Variants in SRRM3 observed in about 807,000 individuals in gnomAD.
SRRM3 encodes serine/arginine repetitive matrix protein 3.
In SRRM3, 27 loss-of-function variants were observed where a neutral mutation model predicts 66.2. That is an observed-to-expected ratio of 0.41 (90% CI 0.30 to 0.56). SRRM3 has a LOEUF of 0.56. Among genes scored for constraint, SRRM3 ranks in the 20% least tolerant of loss-of-function variants. The probability of loss-of-function intolerance (pLI) is 0.32; values close to 1 mark genes in which losing one functional copy is unlikely to be tolerated. For synonymous variants in SRRM3, 391 were observed against 414.9 expected (o/e 0.94, Z 0.70); for missense variants, 918 against 991.9 (o/e 0.93, Z 1.00).
At chr7:76,269,280 A>G (rs1802148963) in intron 11 of SRRM3, 1 of 152,144 alleles carries the variant, frequency 6.6e-6, no homozygotes, top group Non-Finnish European at 1.5e-5. Context: ...TCCTTTCACC[A>G]AGCATGGTCC....
At chr7:76,219,719 G>A (rs1412463833) in intron 1 of SRRM3, among the ~76,000 whole-genome samples, 4 of 152,098 alleles carry the variant, frequency 2.6e-5, no homozygotes, top group Non-Finnish European at 2.9e-5. Context: ...GACCAGCCTG[G>A]CCAACATAGT....
intron 11 of SRRM3, among the ~76,000 whole-genome samples, chr7:76,277,750 G>GAAAAAAGAAAAAAAT (rs1802391294): frequency 7.0e-6 from 1 of 141,882 alleles, no homozygotes; most frequent in Non-Finnish European, 1.5e-5. Flanking sequence ...GAGAGAGAAA[G>GAAAAAAGAAAAAAAT]AAAGAAAAGA....
chr7:76,265,536 G>C (rs782415287), intron 10 of SRRM3, 68 bp downstream of exon 10: 125 of 1,272,546 alleles, frequency 9.8e-5, no homozygotes, highest in Non-Finnish European at 1.3e-4. Context: ...ACACCCCCAA[G>C]GGCTGGGGAG....
intron 11 of SRRM3, among the ~76,000 whole-genome samples, chr7:76,271,001 C>T (rs964236899): frequency 6.6e-6 from 1 of 151,750 alleles, no homozygotes; most frequent in Non-Finnish European, 1.5e-5. Flanking sequence ...ATCTTGATCT[C>T]GAGACTGAGG....
intron 11 of SRRM3, chr7:76,268,391 G>T (rs1244149306): frequency 6.6e-6 from 1 of 151,372 alleles, no homozygotes; most frequent in Non-Finnish European, 1.5e-5. Context: ...CACTGGGGTG[G>T]GTGGGGGGGT....
chr7:76,225,610 G>T (rs1800844453), intron 1 of SRRM3, among the ~76,000 whole-genome samples: 1 of 152,164 alleles, frequency 6.6e-6, no homozygotes. Context: ...GCAGGGAGGA[G>T]TTTGCTCACT....
chr7:76,275,679 C>T (rs999801069), intron 11 of SRRM3, among the ~76,000 whole-genome samples: 1 of 152,038 alleles, frequency 6.6e-6, no homozygotes, highest in Non-Finnish European at 1.5e-5. Context: ...TAAAACATCT[C>T]AGGTGTTTAC....
At chr7:76,252,164 A>G (rs1014754851) in intron 3 of SRRM3, among the ~76,000 whole-genome samples, 2 of 152,198 alleles carry the variant, frequency 1.3e-5, no homozygotes, top group African/African-American at 4.8e-5. Context: ...GAGAGCACAC[A>G]CCCACAACAG....
intron 11 of SRRM3, chr7:76,267,649 G>A (rs1342691178): frequency 2.4e-6 from 1 of 423,368 alleles, no homozygotes; most frequent in African/African-American, 2.1e-5. Flanking sequence ...TGGTGTCAGG[G>A]TGAGGGGCGC....
chr7:76,266,523 T>TTA (rs1583928042), intron 10 of SRRM3, among the ~76,000 whole-genome samples: 2 of 112,658 alleles, frequency 1.8e-5, no homozygotes, highest in East Asian at 4.4e-4. Flanking sequence ...ATTTATATAT[T>TTA]ATATATTTAA....
At chr7:76,216,794 C>A (rs893173510) in intron 1 of SRRM3, among the ~76,000 whole-genome samples, 2 of 152,122 alleles carry the variant, frequency 1.3e-5, no homozygotes, top group African/African-American at 2.4e-5. Context: ...TGCAGCCCCT[C>A]GGGGGAGGAA....
chr7:76,212,941 C>G (rs535143496), intron 1 of SRRM3, among the ~76,000 whole-genome samples: 1 of 151,922 alleles, frequency 6.6e-6, no homozygotes, highest in African/African-American at 2.4e-5. Flanking sequence ...ATGTCCTGTT[C>G]CAATCTGGGT....
intron 8 of SRRM3, 114 bp downstream of exon 8, chr7:76,261,695 C>T: frequency 8.2e-7 from 1 of 1,214,346 alleles, no homozygotes; most frequent in Non-Finnish European, 1.2e-6. Flanking sequence ...CCTTCAGCTC[C>T]AGGGTTCCTT....
chr7:76,265,858 A>ATATATAT (rs1554609525), intron 10 of SRRM3, among the ~76,000 whole-genome samples: 2 of 8,370 alleles, frequency 2.4e-4, no homozygotes, highest in Non-Finnish European at 2.9e-4. Context: ...ATATATATAT[A>ATATATAT]TTTTTTTTTT....
At position 76,255,148 on chromosome 7, in the gene SRRM3, C is replaced by CTTTTTTTTTTTTTTTTTTTTTTTTTTTTT. The variant is rs57880700; in HGVS notation, c.336-4739_336-4738insTTTTTTTTTTTTTTTTTTTTTTTTTTTTT. ...CTTTTCTTTCTTTCTTTCTTTCTTTCTTTTTTTTTTTTTTTTTTTGAGATG... is the reference window on the plus strand; with the variant it reads ...CTTTTCTTTCTTTCTTTCTTTCTTTCTTTTTTTTTTTTTTTTTTTTTTTTTTTTTTTTTTTTTTTTTTTTTTTTGAGATG... On this transcript the variant is annotated intron_variant, in intron 3 of 14. Transcript: ENST00000611745. Among the ~76,000 whole-genome samples the CTTTTTTTTTTTTTTTTTTTTTTTTTTTTT allele has an allele frequency of 2.5e-4, 21 of 83,178 alleles. 1 individual carries two copies. Among genetic ancestry groups the CTTTTTTTTTTTTTTTTTTTTTTTTTTTTT allele is most frequent in the South Asian group, 4.4e-4 (1 of 2,290 alleles). 54.6% of individuals were successfully genotyped at this position (83,178 alleles called of 152,430 possible).
rs868954741 is a variant in SRRM3 at position 76,213,407 on chromosome 7, A to G, written c.-40+11340A>G. ...GTGTATTAACTTATTTAGTCCTCAC[A>G]ACATCCAATGATGTAGGTCGGTCCT... On this transcript the variant is annotated intron_variant, in intron 1 of 14. Transcript: ENST00000611745. Among the ~76,000 whole-genome samples the G allele has an allele frequency of 5.4e-4, 82 of 152,252 alleles. 1 individual carries two copies. The highest frequency in any genetic ancestry group is 1.9e-3 in the African/African-American group (80 of 41,560).
intron 1 of SRRM3, among the ~76,000 whole-genome samples, chr7:76,224,861 G>T (rs1277617065): frequency 6.6e-6 from 1 of 152,098 alleles, no homozygotes; most frequent in East Asian, 1.9e-4. Flanking sequence ...AATTGACATT[G>T]AGGACTTCCC....
chr7:76,286,337 G>A lies in SRRM3; in HGVS notation c.*494G>A, dbSNP rs1313904482. 1 of 161,658 alleles carries A rather than the reference G, an allele frequency of 6.2e-6. No individual in the cohort carries two copies. The highest frequency in any genetic ancestry group is 6.3e-5 in the Admixed American group (1 of 15,866). The allele number at this position is 161,658 out of a possible 1,614,324, so 10.0% of individuals were successfully genotyped here. On this transcript the variant is annotated 3_prime_UTR_variant, in exon 15 of 15. Coordinates refer to ENST00000611745, the MANE Select transcript of SRRM3 (RefSeq NM_001110199.3). The stretch of plus-strand genomic sequence containing the variant: ...CAGACGAGGAGGTGGTACAGCACAT[G>A]GGTTTGGAGCTAGACAGAAGGAAGA...
intron 1 of SRRM3, among the ~76,000 whole-genome samples, chr7:76,231,400 G>C (rs115825725): frequency 1.5e-3 from 221 of 152,310 alleles, no homozygotes; most frequent in African/African-American, 5.1e-3. Flanking sequence ...CTAGCACTGG[G>C]GCTAGATTTT....
Sources: gnomAD v4.1 joint callset for allele counts (sites outside exome capture counted in the v4.1 genomes callset) on GRCh38, gnomAD v4.1.1 for gene constraint, MANE v1.5 for transcripts, NCBI Gene and HGNC (gene_info 2026-07-23, HGNC 2026-07-21) for gene names.